Variants in ATP10B observed in about 807,000 individuals in gnomAD.
The protein encoded by ATP10B is ATPase phospholipid transporting 10B (putative).
ATP10B carries 122 observed loss-of-function variants against 141.2 expected under a neutral mutation model. That is an observed-to-expected ratio of 0.86 (90% CI 0.75 to 1.00). ATP10B has a LOEUF of 1.00. ATP10B is among the 50% of genes least tolerant of loss of function. ATP10B has a pLI of 0.00. For synonymous variants in ATP10B, 685 were observed against 692.0 expected (o/e 0.99, Z 0.16); for missense variants, 1,876 against 1,825.3 (o/e 1.03, Z -0.51).
At chr5:160,904,818 T>C in the ATP10B span, among the ~76,000 whole-genome samples, 1 of 152,192 alleles carries the variant, frequency 6.6e-6, no homozygotes, top group Non-Finnish European at 1.5e-5. Flanking sequence ...TTCCCATAGA[T>C]GCCAGCATAA....
chr5:160,631,144 G>A (rs1409213856), intron 13 of ATP10B, among the ~76,000 whole-genome samples: 1 of 152,184 alleles, frequency 6.6e-6, no homozygotes, highest in African/African-American at 2.4e-5. Context: ...ATAAAGGGAT[G>A]GTAGCCCTTT....
At chr5:160,924,850 T>C in the ATP10B span, among the ~76,000 whole-genome samples, 1 of 152,224 alleles carries the variant, frequency 6.6e-6, no homozygotes. Flanking sequence ...TCCAGAGCTC[T>C]GTCTTGGGGA....
Position 160,694,030 on chromosome 5 carries a change from C to T in ATP10B, c.-204-5087G>A, listed in dbSNP as rs535857169. Among the ~76,000 whole-genome samples the T allele has an allele frequency of 3.9e-5, 6 of 152,254 alleles. No individual in the cohort carries two copies. In the South Asian group the frequency reaches 1.2e-3, roughly 32 times the overall value. On this transcript the variant is annotated intron_variant, in intron 3 of 25. Coordinates refer to ENST00000327245, the MANE Select transcript of ATP10B (RefSeq NM_025153.3). The stretch of plus-strand genomic sequence containing the variant: ...CAGATGGCCTGCTGAGGCTGTTATG[C>T]TGAGGGCAAGAGAGAGTCTGAAGAG...
the ATP10B span, among the ~76,000 whole-genome samples, chr5:160,869,491 T>G: frequency 3.9e-3 from 598 of 152,242 alleles, 4 homozygotes; most frequent in African/African-American, 0.014. Context: ...AAAAAAAGTC[T>G]TAGAATGTTT....
chr5:160,574,631 G>A (rs1755076670), intron 24 of ATP10B, among the ~76,000 whole-genome samples: 1 of 152,162 alleles, frequency 6.6e-6, no homozygotes, highest in African/African-American at 2.4e-5. Context: ...ATTAAGAGGA[G>A]GGGCCTTTTG....
At chr5:160,768,577 CTATGT>C (rs1158369700) in intron 2 of ATP10B, among the ~76,000 whole-genome samples, 1 of 152,206 alleles carries the variant, frequency 6.6e-6, no homozygotes, top group Non-Finnish European at 1.5e-5. Flanking sequence ...TCATTTGCCA[CTATGT>C]TATAAGTGCC....
intron 16 of ATP10B, 45 bp from the exon 17 acceptor site, chr5:160,616,009 C>A (rs1757975265): frequency 4.4e-6 from 7 of 1,574,552 alleles, no homozygotes; most frequent in Non-Finnish European, 6.1e-6. Flanking sequence ...GGTGGACCAA[C>A]AAGATAATTT....
chr5:160,616,012 G>T, intron 16 of ATP10B, 48 bp from the exon 17 acceptor site: 1 of 1,569,594 alleles, frequency 6.4e-7, no homozygotes, highest in Non-Finnish European at 8.7e-7. Context: ...GGACCAACAA[G>T]ATAATTTCCT....
rs1561704141 is a variant in ATP10B, at chr5:160,653,435, C to CAT, written c.676-4181_676-4180dup. Among the ~76,000 whole-genome samples the CAT allele has an allele frequency of 2.7e-4, 12 of 44,330 alleles. 1 individual carries two copies. The highest frequency in any genetic ancestry group is 3.5e-4 in the African/African-American group (4 of 11,432). The allele number at this position is 44,330 out of a possible 152,430, so 29.1% of individuals were successfully genotyped here. A position where few individuals can be genotyped will look rare whatever the true frequency, so the allele number is the denominator to read the frequency against. On this transcript the variant is annotated intron_variant, in intron 7 of 25. Coordinates refer to ENST00000327245, the MANE Select transcript of ATP10B (RefSeq NM_025153.3). ...CATAGGTAGTATATATACATATGTACATACATACATAGGTAGTATATATAC... is the reference window on the plus strand; with the variant it reads ...CATAGGTAGTATATATACATATGTACATATACATACATAGGTAGTATATATAC...
intron 6 of ATP10B, among the ~76,000 whole-genome samples, chr5:160,678,205 C>A (rs1459359636): frequency 2.6e-5 from 4 of 152,170 alleles, no homozygotes; most frequent in Admixed American, 6.5e-5. Flanking sequence ...TAACCCTGTC[C>A]ACTGGTATCT....
the ATP10B span, among the ~76,000 whole-genome samples, chr5:160,892,173 C>A: frequency 6.6e-6 from 1 of 152,158 alleles, no homozygotes; most frequent in Non-Finnish European, 1.5e-5. Context: ...CTTTTCATCG[C>A]ATTTAGACTA....
intron 7 of ATP10B, among the ~76,000 whole-genome samples, chr5:160,666,632 G>C (rs1561724942): frequency 6.6e-6 from 1 of 152,132 alleles, no homozygotes; most frequent in African/African-American, 2.4e-5. Context: ...CAACATGTTT[G>C]TTCAATACGT....
chr5:160,596,776 A>G (rs1756723996), intron 22 of ATP10B, among the ~76,000 whole-genome samples: 1 of 152,148 alleles, frequency 6.6e-6, no homozygotes, highest in South Asian at 2.1e-4. Flanking sequence ...CAAATCGTGA[A>G]TGAACTCCCA....
intron 6 of ATP10B, among the ~76,000 whole-genome samples, chr5:160,678,608 G>T (rs1008844600): frequency 1.3e-5 from 2 of 152,218 alleles, no homozygotes; most frequent in African/African-American, 2.4e-5. Flanking sequence ...AGTGAGTCAA[G>T]ACTGCGCCAC....
chr5:160,918,465 G>A, the ATP10B span, among the ~76,000 whole-genome samples: 1 of 152,152 alleles, frequency 6.6e-6, no homozygotes, highest in Non-Finnish European at 1.5e-5. Context: ...AGAACAGCGA[G>A]TATAAAAATC....
chr5:160,639,945 CACA>C (rs1759710379), intron 10 of ATP10B, among the ~76,000 whole-genome samples: 1 of 152,200 alleles, frequency 6.6e-6, no homozygotes, highest in Non-Finnish European at 1.5e-5. Flanking sequence ...ATAAGAAGCA[CACA>C]ACCTAGATCC....
At chr5:160,780,367 C>CCT (rs1554115270) in intron 2 of ATP10B, among the ~76,000 whole-genome samples, 1 of 151,744 alleles carries the variant, frequency 6.6e-6, no homozygotes, top group Non-Finnish European at 1.5e-5. Context: ...ATAATTTATT[C>CCT]TTTTATACAA....
chr5:160,577,500 A>C (rs1755265643), intron 24 of ATP10B, among the ~76,000 whole-genome samples: 1 of 152,186 alleles, frequency 6.6e-6, no homozygotes, highest in Non-Finnish European at 1.5e-5. Context: ...TAAAGGAATT[A>C]CTGCTCCTAC....
Position 160,565,386 on chromosome 5 carries a change from G to C in ATP10B, c.*67C>G. The C allele has an allele frequency of 6.9e-7, 1 of 1,457,778 alleles. No homozygotes were observed. Among genetic ancestry groups the C allele is most frequent in the Non-Finnish European group, 9.5e-7 (1 of 1,051,616 alleles). 90.3% of individuals were successfully genotyped at this position (1,457,778 alleles called of 1,614,324 possible). The stretch of plus-strand genomic sequence containing the variant: ...ATTGTTTCCTCTATGAAGAAGAAGG[G>C]GTCAAGGGTTATGTGGACCAGTGAC... On this transcript the variant is annotated 3_prime_UTR_variant, in exon 26 of 26. Coordinates refer to ENST00000327245, the MANE Select transcript of ATP10B (RefSeq NM_025153.3).
Sources: allele counts gnomAD v4.1 joint callset (sites outside exome capture counted in the v4.1 genomes callset), GRCh38; gene constraint gnomAD v4.1.1; transcripts MANE v1.5; gene names NCBI Gene and HGNC (gene_info 2026-07-23, HGNC 2026-07-21).